The following SEM1 variants were observed in gnomAD, a reference collection of about 807,000 sequenced individuals.
SEM1 encodes SEM1 26S proteasome subunit.
SEM1 carries 3 observed loss-of-function variants against 12.7 expected under a neutral mutation model. The observed-to-expected ratio is 0.24, with a 90% CI of 0.11 to 0.61. The LOEUF is 0.61. SEM1 is among the 20% of genes least tolerant of loss of function. The pLI, the probability that SEM1 is intolerant of heterozygous loss-of-function variation, is 0.88. For synonymous variants in SEM1, 30 were observed against 27.8 expected (o/e 1.08, Z -0.25); for missense variants, 59 against 81.3 (o/e 0.73, Z 1.06).
intron 1 of SEM1, among the ~76,000 whole-genome samples, chr7:96,705,010 A>T (rs1456906207): frequency 6.6e-6 from 1 of 152,218 alleles, no homozygotes; most frequent in East Asian, 1.9e-4. Flanking sequence ...TGTGACATCC[A>T]AAAACACTCC....
chr7:96,556,954 C>G lies in SEM1; in HGVS notation c.171-50256G>C, dbSNP rs1427484659. On this transcript the variant is annotated intron_variant and NMD_transcript_variant, in intron 2 of 3. Coordinates refer to the SEM1 transcript ENST00000466986. ...ATTTCATTCATTTCATCTTCCATTGCTGATACCCTTTCTTCCAGTTGATCA... is the reference window on the plus strand; with the variant it reads ...ATTTCATTCATTTCATCTTCCATTGGTGATACCCTTTCTTCCAGTTGATCA... Among the ~76,000 whole-genome samples, 6 of 150,010 alleles carry G rather than the reference C, an allele frequency of 4.0e-5. No individual in the cohort carries two copies. The East Asian group carries it at 5.9e-4, about 15-fold the overall frequency.
intron 2 of SEM1, among the ~76,000 whole-genome samples, chr7:96,661,151 C>A (rs189866100): frequency 1.2e-4 from 19 of 152,258 alleles, no homozygotes; most frequent in African/African-American, 4.3e-4. Flanking sequence ...TAAGTTTACA[C>A]ACCCAGTAAA....
intron 2 of SEM1, among the ~76,000 whole-genome samples, chr7:96,691,056 C>T (rs1789917123): frequency 6.6e-6 from 1 of 152,162 alleles, no homozygotes. Flanking sequence ...CAGGTGTGAG[C>T]CACTGCGCCT....
chr7:96,652,464 AAAT>A (rs1289878301), intron 2 of SEM1, among the ~76,000 whole-genome samples: 7 of 152,072 alleles, frequency 4.6e-5, no homozygotes, highest in Non-Finnish European at 8.8e-5. Context: ...AATCATAGAA[AAAT>A]AATCACCAAC....
chr7:96,505,974 A>G (rs1362584918), intron 3 of SEM1, among the ~76,000 whole-genome samples: 1 of 71,438 alleles, frequency 1.4e-5, no homozygotes, highest in Non-Finnish European at 2.6e-5. Context: ...TTTCAAAATT[A>G]TGAGTTGTCA....
intron 2 of SEM1, among the ~76,000 whole-genome samples, chr7:96,524,368 A>T (rs1804380073): frequency 6.6e-6 from 1 of 152,202 alleles, no homozygotes; most frequent in Non-Finnish European, 1.5e-5. Flanking sequence ...TATGGTAGCC[A>T]GTAGGCATGT....
chr7:96,619,372 G>A (rs1157797232), downstream of SEM1, among the ~76,000 whole-genome samples: 1 of 151,830 alleles, frequency 6.6e-6, no homozygotes, highest in African/African-American at 2.4e-5. Flanking sequence ...CAGGATCAGT[G>A]GTATCTGATT....
chr7:96,594,361 C>T (rs529748294), intron 2 of SEM1, among the ~76,000 whole-genome samples: 3 of 152,206 alleles, frequency 2.0e-5, no homozygotes, highest in South Asian at 4.2e-4. Context: ...CTCTATTCCC[C>T]ATCCCACATC....
rs549290832 is a variant in SEM1, at chr7:96,585,677, T to G, written c.171-78979A>C. On this transcript the variant is annotated intron_variant and NMD_transcript_variant, in intron 2 of 3. Coordinates refer to the SEM1 transcript ENST00000466986. ...CGGGATATAATCTCCTGATGCGCTG[T>G]TTTTTAAGCCCGTCGGAAAAGTGCA... Among the ~76,000 whole-genome samples the G allele has an allele frequency of 2.0e-3, 311 of 152,282 alleles. 1 individual carries two copies. The highest frequency in any genetic ancestry group is 7.3e-3 in the African/African-American group (304 of 41,568).
At chr7:96,698,339 T>C (rs1458003238) in intron 1 of SEM1, among the ~76,000 whole-genome samples, 1 of 152,098 alleles carries the variant, frequency 6.6e-6, no homozygotes, top group African/African-American at 2.4e-5. Flanking sequence ...AGTGGTTTGC[T>C]GCACCCATCA....
intron 2 of SEM1, among the ~76,000 whole-genome samples, chr7:96,588,392 ACACAC>A (rs1303580937): frequency 0.049 from 3,167 of 64,020 alleles, 98 homozygotes; most frequent in African/African-American, 0.14. Flanking sequence ...ACACACACAC[ACACAC>A]GAGAGAGAGA....
chr7:96,592,531 T>C (rs1449318051), intron 2 of SEM1, among the ~76,000 whole-genome samples: 4 of 151,956 alleles, frequency 2.6e-5, no homozygotes, highest in African/African-American at 4.8e-5. Flanking sequence ...AGGTTCTTCC[T>C]GGGCACGGAG....
chr7:96,564,370 G>C (rs923548593), intron 2 of SEM1, among the ~76,000 whole-genome samples: 1 of 151,834 alleles, frequency 6.6e-6, no homozygotes, highest in Non-Finnish European at 1.5e-5. Flanking sequence ...ATGGGATTTA[G>C]CAAGCTGAAA....
At chr7:96,486,633 A>G (rs1584694149) in intron 1 of SEM1, among the ~76,000 whole-genome samples, 1 of 152,072 alleles carries the variant, frequency 6.6e-6, no homozygotes, top group East Asian at 1.9e-4. Context: ...CTTTTTAATC[A>G]TTCCACTCCC....
intron 3 of SEM1, chr7:96,484,820 A>G (rs1326338282): frequency 1.6e-6 from 2 of 1,286,628 alleles, no homozygotes. Flanking sequence ...TCTTTGTTCC[A>G]TTACCTTGCC....
At position 96,522,778 on chromosome 7, in the gene SEM1, C is replaced by G. The variant is rs189789325; in HGVS notation, c.171-16080G>C. 5.1e-3 allele frequency among the ~76,000 whole-genome samples: 743 copies of G among 147,036 alleles called. 3 individuals are homozygous for G. Among genetic ancestry groups the G allele is most frequent in the Non-Finnish European group, 6.6e-3 (439 of 66,716 alleles). Reference sequence around the variant, plus strand: ...TGGTGGCACATGCTTGTAATCCCAGCTACTCCAGGGGCTGAGGTGGGAGAA... The same window carrying G: ...TGGTGGCACATGCTTGTAATCCCAGGTACTCCAGGGGCTGAGGTGGGAGAA... On this transcript the variant is annotated intron_variant and NMD_transcript_variant, in intron 2 of 3. Coordinates refer to the SEM1 transcript ENST00000466986.
intron 2 of SEM1, among the ~76,000 whole-genome samples, chr7:96,514,521 A>C (rs1804029915): frequency 2.6e-5 from 2 of 75,812 alleles, no homozygotes; most frequent in African/African-American, 1.3e-4. Flanking sequence ...GAAAATCTTA[A>C]GTAATTGACA....
intron 3 of SEM1, among the ~76,000 whole-genome samples, chr7:96,503,109 G>A (rs1399175148): frequency 2.0e-5 from 3 of 152,122 alleles, no homozygotes; most frequent in Admixed American, 6.6e-5. Flanking sequence ...TTCTCTACTA[G>A]AAGCATAAGC....
intron 2 of SEM1, among the ~76,000 whole-genome samples, chr7:96,535,775 G>A (rs918407407): frequency 2.6e-5 from 4 of 151,852 alleles, no homozygotes; most frequent in Non-Finnish European, 5.9e-5. Context: ...CCGTGTTGCT[G>A]TAAAGGACAT....
Sources: gnomAD v4.1 joint callset for allele counts (sites outside exome capture counted in the v4.1 genomes callset) on GRCh38, gnomAD v4.1.1 for gene constraint, MANE v1.5 for transcripts, NCBI Gene and HGNC (gene_info 2026-07-23, HGNC 2026-07-21) for gene names.